GPR158: variants seen among roughly 807,000 people sequenced by gnomAD.
GPR158 encodes the protein G protein-coupled receptor 158.
In GPR158, 30 loss-of-function variants were observed where a neutral mutation model predicts 78.2. The ratio of observed to expected loss-of-function variants is 0.38; its 90% CI spans 0.29 to 0.52. The LOEUF is 0.52. GPR158 is among the 20% of genes least tolerant of loss of function. The pLI, the probability that GPR158 is intolerant of heterozygous loss-of-function variation, is 0.83. For synonymous variants in GPR158, 581 were observed against 591.1 expected, an observed-to-expected ratio of 0.98 and a Z score of 0.25; for missense variants, 1,463 against 1,523.5, an observed-to-expected ratio of 0.96 and a Z score of 0.66.
rs778588001 is a variant in GPR158 at position 25,176,162 on chromosome 10, C to A, written c.742C>A (p.His248Asn). 2 of 1,577,052 alleles carry A rather than the reference C, an allele frequency of 1.3e-6. No homozygotes were observed. The highest frequency in any genetic ancestry group is 3.8e-5 in the Admixed American group (2 of 52,542). The change falls in exon 1 of 11, where the codon CAC (histidine) becomes AAC (asparagine). Residue 248 changes from histidine (H) to asparagine (N), a missense_variant. His to Asn is a moderately conservative substitution (Grantham distance 68). Coordinates refer to ENST00000376351, the MANE Select transcript of GPR158 (RefSeq NM_020752.3). The surrounding 1 kb of genome is among the most constrained non-coding windows in gnomAD (Gnocchi z 6.3). The part of the protein sequence containing the change: ...GPNQGPRGLG[H>N]SWRRKDGLGG... ...CAATCAGGGGCCCCGGGGCCTGGGC[C>A]ACAGCTGGCGGCGCAAGGACGGGCT...
At chr10:25,594,420 T>G (rs554409360) in intron 9 of GPR158, 23 bp downstream of exon 9, 4 of 1,113,834 alleles carry the variant, frequency 3.6e-6, no homozygotes, top group Admixed American at 4.3e-5. Flanking sequence ...TATTACTTTT[T>G]TTTTTGCAAA....
intron 5 of GPR158, among the ~76,000 whole-genome samples, chr10:25,467,786 G>A (rs949767693): frequency 1.3e-5 from 2 of 152,112 alleles, no homozygotes; most frequent in African/African-American, 4.8e-5. Flanking sequence ...AAGAGGATGA[G>A]CCAGCAGCTC....
chr10:25,315,368 C>T (rs1854832811), intron 2 of GPR158, among the ~76,000 whole-genome samples: 1 of 151,964 alleles, frequency 6.6e-6, no homozygotes, highest in African/African-American at 2.4e-5. Flanking sequence ...AAAATCTTTG[C>T]TATGTTTAAT....
chr10:25,307,040 G>A (rs1854687918), intron 2 of GPR158, among the ~76,000 whole-genome samples: 1 of 149,452 alleles, frequency 6.7e-6, no homozygotes, highest in Admixed American at 6.7e-5. Flanking sequence ...GAGAGAGAGA[G>A]GGAAAGAGAG....
In GPR158 at chr10:25,262,095, C is replaced by G. The variant is rs531118161; in HGVS notation, c.1008+40938C>G. On this transcript the variant is annotated intron_variant, in intron 2 of 10. Transcript: ENST00000376351. ...GGGACCAAGTAGAATAAGCAGAGATCTAGCTGCAATATTAGCAAATGATCT... is the reference window on the plus strand; with the variant it reads ...GGGACCAAGTAGAATAAGCAGAGATGTAGCTGCAATATTAGCAAATGATCT... 8.5e-5 allele frequency among the ~76,000 whole-genome samples: 13 copies of G among 152,220 alleles called. No individual in the cohort carries two copies. The South Asian group carries it at 2.7e-3, about 32-fold the overall frequency.
intron 1 of GPR158, among the ~76,000 whole-genome samples, chr10:25,209,311 C>A (rs980346773): frequency 6.6e-6 from 1 of 152,218 alleles, no homozygotes; most frequent in Non-Finnish European, 1.5e-5. Context: ...TGATCTGTGT[C>A]TGCTTACTGG....
At chr10:25,445,835 G>T (rs919689676) in intron 4 of GPR158, among the ~76,000 whole-genome samples, 1 of 152,066 alleles carries the variant, frequency 6.6e-6, no homozygotes, top group African/African-American at 2.4e-5. Context: ...CACATGAATT[G>T]CAAAGCCATT....
At position 25,598,316 on chromosome 10, in the gene GPR158, C is replaced by G. The variant is rs769917280; in HGVS notation, c.2690C>G (p.Ser897Trp). ...SEKKTGHPRT[S>W]MLQKSLSVIA... ...AAGAAAACTGGGCACCCACGAACAT[C>G]GATGTTACAGAAGTCTCTCAGTGTC... The change falls in exon 11 of 11, where the codon TCG (serine) becomes TGG (tryptophan). Residue 897 changes from serine to tryptophan, a missense_variant. Coordinates refer to ENST00000376351, the MANE Select transcript of GPR158 (RefSeq NM_020752.3). 5.0e-6 allele frequency: 8 copies of G among 1,613,932 alleles called. No individual in the cohort carries two copies. In the Admixed American group the frequency reaches 5.0e-5, roughly 10 times the overall value.
At chr10:25,592,596 T>C (rs1270993665) in intron 8 of GPR158, among the ~76,000 whole-genome samples, 2 of 152,006 alleles carry the variant, frequency 1.3e-5, no homozygotes, top group Non-Finnish European at 2.9e-5. Flanking sequence ...TTAAAACTGA[T>C]TGAGAGTGAT....
chr10:25,305,435 T>C (rs1322484014), intron 2 of GPR158, among the ~76,000 whole-genome samples: 4 of 152,172 alleles, frequency 2.6e-5, no homozygotes, highest in African/African-American at 4.8e-5. Flanking sequence ...GGACCATACA[T>C]AGGCCAACAG....
At chr10:25,486,815 T>TTG (rs1233067345) in intron 5 of GPR158, among the ~76,000 whole-genome samples, 3 of 151,666 alleles carry the variant, frequency 2.0e-5, no homozygotes, top group Non-Finnish European at 4.4e-5. Flanking sequence ...GATAGACCAT[T>TTG]TTTTTTTGGT....
At chr10:25,379,647 C>CTTTTTT (rs11393897) in intron 2 of GPR158, among the ~76,000 whole-genome samples, 38 of 106,990 alleles carry the variant, frequency 3.6e-4, no homozygotes, top group Non-Finnish European at 4.2e-4. Flanking sequence ...TGAGGATTAG[C>CTTTTTT]TTTTTTTTTT....
intron 2 of GPR158, among the ~76,000 whole-genome samples, chr10:25,392,019 T>C (rs1207117913): frequency 1.3e-5 from 2 of 152,162 alleles, no homozygotes; most frequent in Non-Finnish European, 2.9e-5. Context: ...GTTCTCCTGC[T>C]TGCTGCTATG....
At chr10:25,253,495 GTC>G (rs1366272178) in intron 2 of GPR158, among the ~76,000 whole-genome samples, 9 of 152,302 alleles carry the variant, frequency 5.9e-5, no homozygotes, top group African/African-American at 1.7e-4. Context: ...CTAACTGAGA[GTC>G]CACCTTTGAC....
rs188425384 is a variant in GPR158, at chr10:25,287,739, T to C, written c.1008+66582T>C. The stretch of plus-strand genomic sequence containing the variant: ...CCTTAGATTTGGGGTTAGAGGTTGT[T>C]GCTCTACCACCTCAGCTCTCTGAGG... On this transcript the variant is annotated intron_variant, in intron 2 of 10. Transcript: ENST00000376351. Among the ~76,000 whole-genome samples the C allele has an allele frequency of 8.3e-4, 126 of 152,276 alleles. 2 individuals carry two copies. Among genetic ancestry groups the C allele is most frequent in the Non-Finnish European group, 1.5e-3 (103 of 68,012 alleles).
intron 5 of GPR158, among the ~76,000 whole-genome samples, chr10:25,500,735 G>T (rs1157276144): frequency 2.0e-5 from 3 of 152,228 alleles, no homozygotes; most frequent in Admixed American, 2.0e-4. Context: ...GAGAGGTATA[G>T]ACAGCGTGAA....
At chr10:25,468,889 C>T (rs1835458145) in intron 5 of GPR158, among the ~76,000 whole-genome samples, 1 of 152,158 alleles carries the variant, frequency 6.6e-6, no homozygotes, top group South Asian at 2.1e-4. Context: ...AATGATAATA[C>T]AATGTGACAA....
intron 4 of GPR158, among the ~76,000 whole-genome samples, chr10:25,443,877 A>G (rs776524656): frequency 3.3e-5 from 5 of 151,952 alleles, no homozygotes; most frequent in Non-Finnish European, 5.9e-5. Flanking sequence ...ATCGCTCTCA[A>G]TGAAGCCCCT....
chr10:25,555,068 G>A (rs938860463), intron 6 of GPR158, among the ~76,000 whole-genome samples: 1 of 151,840 alleles, frequency 6.6e-6, no homozygotes, highest in Non-Finnish European at 1.5e-5. Flanking sequence ...GGGGAGGGAG[G>A]GAGGAAGGAA....
Sources: gnomAD v4.1 joint callset for allele counts (sites outside exome capture counted in the v4.1 genomes callset) on GRCh38, gnomAD v4.1.1 for gene constraint, Gnocchi (gnomAD v3.1) non-coding constraint, MANE v1.5 for transcripts, NCBI Gene and HGNC (gene_info 2026-07-23, HGNC 2026-07-21) for gene names.